Variants in ZNF423 observed in about 807,000 individuals in gnomAD.
The protein encoded by ZNF423 is Ebf-associated zinc finger protein.
In ZNF423, 12 loss-of-function variants were observed where a neutral mutation model predicts 95.8. That is an observed-to-expected ratio of 0.13 (90% CI 0.08 to 0.20). ZNF423 has a LOEUF of 0.20. Ranked by LOEUF, ZNF423 falls within the 10% of genes least tolerant of loss-of-function variation. The pLI, the probability that ZNF423 is intolerant of heterozygous loss-of-function variation, is 1.00. For missense variants in ZNF423, 1,316 were observed against 1,737.1 expected, an observed-to-expected ratio of 0.76 and a Z score of 4.31; for synonymous variants, 749 against 711.9, an observed-to-expected ratio of 1.05 and a Z score of -0.83.
intron 1 of ZNF423, among the ~76,000 whole-genome samples, chr16:49,838,944 A>C (rs1341642158): frequency 2.0e-5 from 3 of 151,650 alleles, no homozygotes; most frequent in Non-Finnish European, 4.4e-5. Flanking sequence ...CGGGCAGACA[A>C]GGGCCCGGGA....
chr16:49,762,574 G>A (rs1433584478), intron 2 of ZNF423, among the ~76,000 whole-genome samples: 5 of 152,186 alleles, frequency 3.3e-5, no homozygotes, highest in Non-Finnish European at 5.9e-5. Flanking sequence ...AGAAAAGATA[G>A]GCATCCTGCA....
At chr16:49,530,404 T>C in intron 5 of ZNF423, among the ~76,000 whole-genome samples, 1 of 149,828 alleles carries the variant, frequency 6.7e-6, no homozygotes, top group Non-Finnish European at 1.5e-5. Flanking sequence ...CCACCTGGTA[T>C]ATTACAGGGT....
chr16:49,595,025 T>C (rs1971138133), intron 5 of ZNF423, among the ~76,000 whole-genome samples: 1 of 152,186 alleles, frequency 6.6e-6, no homozygotes, highest in Non-Finnish European at 1.5e-5. Flanking sequence ...TTTTGGTCCT[T>C]AAATTCCTCT....
intron 5 of ZNF423, among the ~76,000 whole-genome samples, chr16:49,547,352 C>T (rs891777333): frequency 6.6e-6 from 1 of 152,154 alleles, no homozygotes; most frequent in East Asian, 1.9e-4. Flanking sequence ...GGCCACGATG[C>T]GTGATCCTCC....
At chr16:49,809,696 G>A (rs1241692637) in intron 1 of ZNF423, among the ~76,000 whole-genome samples, 1 of 152,220 alleles carries the variant, frequency 6.6e-6, no homozygotes, top group South Asian at 2.1e-4. Context: ...GGGACCCCCG[G>A]GTGGGTTAGC....
chr16:49,850,928 C>G (rs916365857), intron 1 of ZNF423, among the ~76,000 whole-genome samples: 1 of 152,254 alleles, frequency 6.6e-6, no homozygotes, highest in African/African-American at 2.4e-5. Context: ...AGCCACTGGT[C>G]TAGGTGGTCA....
intron 2 of ZNF423, among the ~76,000 whole-genome samples, chr16:49,739,690 T>C (rs1241081760): frequency 1.6e-5 from 2 of 123,456 alleles, no homozygotes; most frequent in Non-Finnish European, 3.2e-5. Context: ...TTTTTGTTTT[T>C]GTTTGGTTTT....
chr16:49,731,082 G>A, intron 2 of ZNF423, 111 bp from the exon 3 acceptor site: 1 of 1,284,154 alleles, frequency 7.8e-7, no homozygotes, highest in Non-Finnish European at 1.1e-6. Context: ...ACCTCCCGGG[G>A]TCCATTATCC....
At chr16:49,791,355 C>T (rs1900670647) in intron 1 of ZNF423, among the ~76,000 whole-genome samples, 1 of 152,234 alleles carries the variant, frequency 6.6e-6, no homozygotes, top group Non-Finnish European at 1.5e-5. Flanking sequence ...AACCAGACAG[C>T]CTCCAAAACA....
At chr16:49,673,686 T>G (rs150303895) in intron 3 of ZNF423, among the ~76,000 whole-genome samples, 105 of 152,372 alleles carry the variant, frequency 6.9e-4, no homozygotes, top group African/African-American at 2.4e-3. Context: ...TGTATGCATG[T>G]GCACACACTT....
intron 2 of ZNF423, among the ~76,000 whole-genome samples, chr16:49,765,514 G>A (rs1237943316): frequency 1.3e-5 from 2 of 151,044 alleles, no homozygotes; most frequent in South Asian, 2.1e-4. Flanking sequence ...AGTTTGAGAC[G>A]AGCCTGGGCA....
chr16:49,752,636 A>T (rs891719184), intron 2 of ZNF423, among the ~76,000 whole-genome samples: 1 of 152,202 alleles, frequency 6.6e-6, no homozygotes, highest in Non-Finnish European at 1.5e-5. Flanking sequence ...GCTGATCAGG[A>T]GGAGAAAAAA....
intron 3 of ZNF423, among the ~76,000 whole-genome samples, chr16:49,717,897 T>C (rs2032753704): frequency 6.6e-6 from 1 of 152,178 alleles, no homozygotes; most frequent in South Asian, 2.1e-4. Flanking sequence ...CTCCTGTTCT[T>C]CATTTCCACA....
chr16:49,528,936 A>G (rs1395266202), intron 5 of ZNF423, among the ~76,000 whole-genome samples: 1 of 152,008 alleles, frequency 6.6e-6, no homozygotes, highest in Non-Finnish European at 1.5e-5. Flanking sequence ...CCACCCCAAG[A>G]TGCAGGGTCC....
intron 5 of ZNF423, among the ~76,000 whole-genome samples, chr16:49,540,662 C>T (rs543763393): frequency 6.6e-6 from 1 of 152,286 alleles, no homozygotes; most frequent in South Asian, 2.1e-4. Flanking sequence ...TTAATCACAC[C>T]CTGAATGCAC....
At chr16:49,674,117 G>A (rs1188144679) in intron 3 of ZNF423, among the ~76,000 whole-genome samples, 6 of 152,316 alleles carry the variant, frequency 3.9e-5, no homozygotes, top group African/African-American at 9.6e-5. Flanking sequence ...GGTGGAAAAC[G>A]GGTAAATGTA....
rs1971429070 is a variant in ZNF423 at position 49,603,128 on chromosome 16, C to A, written c.3601+23042G>T. Among the ~76,000 whole-genome samples the A allele has an allele frequency of 6.6e-6, 1 of 152,214 alleles. No individual in the cohort carries two copies. Among genetic ancestry groups the A allele is most frequent in the Non-Finnish European group, 1.5e-5 (1 of 68,034 alleles). On this transcript the variant is annotated intron_variant, in intron 5 of 7. Transcript: ENST00000563137. This position sits in a 1 kb window ranked among gnomAD's most constrained non-coding sequence, Gnocchi z 4.1. ...ATACCAGCCCATCACCAAGCAGCCT[C>A]TCTGTCCCAAAGTTCTGGATCACTG...
chr16:49,644,525 T>C (rs1478540479), intron 3 of ZNF423, among the ~76,000 whole-genome samples: 1 of 148,572 alleles, frequency 6.7e-6, no homozygotes, highest in African/African-American at 2.5e-5. Context: ...TACACAGGCA[T>C]GGTGATGTGT....
chr16:49,504,733 A>G (rs1203250238), intron 7 of ZNF423, among the ~76,000 whole-genome samples: 6 of 152,212 alleles, frequency 3.9e-5, no homozygotes, highest in Admixed American at 3.9e-4. Flanking sequence ...AGGGAGCCAC[A>G]GCATCCCAGG....
Sources: allele counts gnomAD v4.1 joint callset (sites outside exome capture counted in the v4.1 genomes callset), GRCh38; gene constraint gnomAD v4.1.1; non-coding constraint Gnocchi (gnomAD v3.1); transcripts MANE v1.5; gene names NCBI Gene and HGNC (gene_info 2026-07-23, HGNC 2026-07-21).